ZNF148: variants seen among roughly 807,000 people sequenced by gnomAD.
ZNF148 encodes the protein Beta-Enolase Repressor Factor-1.
A neutral mutation model predicts 67.7 loss-of-function variants in ZNF148; 7 were observed. The ratio of observed to expected loss-of-function variants is 0.10; its 90% CI spans 0.06 to 0.19. The LOEUF (loss-of-function observed/expected upper bound fraction) is 0.19, where lower values mean the gene tolerates loss of function less well. Among genes scored for constraint, ZNF148 ranks in the 10% least tolerant of loss-of-function variants. The probability of loss-of-function intolerance (pLI) is 1.00; values close to 1 mark genes in which losing one functional copy is unlikely to be tolerated. For missense variants in ZNF148, 583 were observed against 947.1 expected (o/e 0.62, Z 5.05); for synonymous variants, 333 against 330.7 (o/e 1.01, Z -0.08).
rs1312316077 is a variant in ZNF148 at position 125,228,919 on chromosome 3, C to G, written c.*3422G>C. On this transcript the variant is annotated 3_prime_UTR_variant, in exon 9 of 9. Coordinates refer to ENST00000360647, the MANE Select transcript of ZNF148 (RefSeq NM_021964.3). ...GGATTAAAGAAAGCAACAAACATAA[C>G]AAGAAATGTTTGTCTGCTTTAGTTT... is the stretch of plus-strand genomic sequence containing the variant. 1 of 152,462 alleles carries G rather than the reference C, an allele frequency of 6.6e-6. No homozygotes were observed. The highest frequency in any genetic ancestry group is 1.9e-4 in the East Asian group (1 of 5,194). The allele number at this position is 152,462 out of a possible 1,614,324, so 9.4% of individuals were successfully genotyped here. A position where few individuals can be genotyped will look rare whatever the true frequency, so the allele number is the denominator to read the frequency against.
chr3:125,339,079 T>A (rs114970364), intron 1 of ZNF148, among the ~76,000 whole-genome samples: 1 of 152,266 alleles, frequency 6.6e-6, no homozygotes, highest in Non-Finnish European at 1.5e-5. Context: ...TCTCACTACA[T>A]TTCCCCAGGC....
At chr3:125,370,736 A>C (rs745501527) in intron 1 of ZNF148, among the ~76,000 whole-genome samples, 6 of 152,166 alleles carry the variant, frequency 3.9e-5, no homozygotes, top group Non-Finnish European at 8.8e-5. Context: ...TTATGACTCT[A>C]ACCTAACAGA....
At position 125,237,714 on chromosome 3, in the gene ZNF148, T is replaced by C. The variant is rs370734717; in HGVS notation, c.668-3385A>G. ...GTTGATTACAATTCAATTAATTCTA[T>C]ATATTTGTGGATTGGAAGACTTAAC... is the stretch of plus-strand genomic sequence containing the variant. On this transcript the variant is annotated intron_variant, in intron 7 of 8. Coordinates refer to ENST00000360647, the MANE Select transcript of ZNF148 (RefSeq NM_021964.3). Among the ~76,000 whole-genome samples the C allele has an allele frequency of 8.5e-5, 13 of 152,336 alleles. No individual in the cohort carries two copies. The South Asian group carries it at 1.7e-3, about 19-fold the overall frequency.
At chr3:125,318,223 C>T (rs376763812) in intron 3 of ZNF148, among the ~76,000 whole-genome samples, 5 of 152,220 alleles carry the variant, frequency 3.3e-5, no homozygotes, top group East Asian at 3.9e-4. Flanking sequence ...AGGTCCCATG[C>T]TCAAAAGCTA....
intron 3 of ZNF148, 58 bp downstream of exon 3, chr3:125,323,251 C>G: frequency 2.0e-6 from 1 of 493,236 alleles, no homozygotes; most frequent in Non-Finnish European, 3.6e-6. Context: ...AACACAATGA[C>G]TTCATATTTG....
At chr3:125,305,007 A>G (rs1381546273) in intron 4 of ZNF148, among the ~76,000 whole-genome samples, 2 of 152,258 alleles carry the variant, frequency 1.3e-5, no homozygotes, top group South Asian at 4.1e-4. Flanking sequence ...TCTGTTAGCC[A>G]AATCTTAAAC....
intron 5 of ZNF148, among the ~76,000 whole-genome samples, chr3:125,279,700 A>G (rs1156631609): frequency 6.6e-6 from 1 of 152,136 alleles, no homozygotes; most frequent in Admixed American, 6.5e-5. Context: ...ATAAAATGAC[A>G]AAGCTCTCTA....
In ZNF148 at chr3:125,375,093, G is replaced by A. The variant is rs1244469618; in HGVS notation, c.-234+9C>T. 3 of 150,518 alleles carry A rather than the reference G, an allele frequency of 2.0e-5. No homozygotes were observed. The highest frequency in any genetic ancestry group is 2.0e-4 in the Admixed American group (3 of 15,142). The allele number at this position is 150,518 out of a possible 1,614,324, so 9.3% of individuals were successfully genotyped here. ...CCCGGGCCCGGGCCTGCCAGGCCGA[G>A]CGCTTTACCGCGGGCGGGCGCCGAG... On this transcript the variant is annotated intron_variant, in intron 1 of 8. Coordinates refer to ENST00000360647, the MANE Select transcript of ZNF148 (RefSeq NM_021964.3).
Position 125,283,155 on chromosome 3 carries a change from G to C in ZNF148, c.460-3908C>G, listed in dbSNP as rs886547220. On this transcript the variant is annotated intron_variant, in intron 5 of 8. Transcript: ENST00000360647. The stretch of plus-strand genomic sequence containing the variant: ...CAATGAGAAATGGAAAATAGTGCAA[G>C]TCCAAAGATATACAAATAACAAAGT... Among the ~76,000 whole-genome samples the C allele has an allele frequency of 4.6e-5, 7 of 152,064 alleles. 1 individual carries two copies. Among genetic ancestry groups the C allele is most frequent in the Admixed American group, 3.9e-4 (6 of 15,252 alleles).
In ZNF148 at chr3:125,234,341, T is replaced by C; in HGVS notation, c.668-12A>G. The C allele has an allele frequency of 6.5e-7, 1 of 1,542,724 alleles. No homozygotes were observed. The highest frequency in any genetic ancestry group is 8.9e-7 in the Non-Finnish European group (1 of 1,124,240). ...AAATGGTTTTTCACCTAGCACATAA[T>C]ATAGAAAGTTTAAAACAAAACAAAT... On this transcript the variant is annotated splice_polypyrimidine_tract_variant and intron_variant, in intron 7 of 8. Coordinates refer to ENST00000360647, the MANE Select transcript of ZNF148 (RefSeq NM_021964.3).
chr3:125,246,749 G>A lies in ZNF148; in HGVS notation c.668-12420C>T, dbSNP rs370660869. On this transcript the variant is annotated intron_variant, in intron 7 of 8. Coordinates refer to ENST00000360647, the MANE Select transcript of ZNF148 (RefSeq NM_021964.3). The stretch of plus-strand genomic sequence containing the variant: ...ATTATAATTATAACCCAGTGTCTGG[G>A]CTATATATCCTAAATGAAAATATCC... 8.5e-5 allele frequency among the ~76,000 whole-genome samples: 13 copies of A among 152,158 alleles called. No individual in the cohort carries two copies. In the East Asian group the frequency reaches 2.1e-3, roughly 25 times the overall value.
chr3:125,330,736 G>A (rs1941256029), intron 2 of ZNF148, among the ~76,000 whole-genome samples: 1 of 152,050 alleles, frequency 6.6e-6, no homozygotes, highest in South Asian at 2.1e-4. Flanking sequence ...ACATGAGTAT[G>A]TGCCACTGAC....
At chr3:125,252,748 CAG>C (rs1448492153) in intron 7 of ZNF148, among the ~76,000 whole-genome samples, 6 of 140,260 alleles carry the variant, frequency 4.3e-5, no homozygotes, top group African/African-American at 1.6e-4. Flanking sequence ...AGCCTGGCGA[CAG>C]AGCAAGACTC....
intron 1 of ZNF148, among the ~76,000 whole-genome samples, chr3:125,332,691 C>T (rs1941338858): frequency 1.3e-5 from 2 of 152,158 alleles, no homozygotes; most frequent in African/African-American, 4.8e-5. Context: ...TTCTGCTTGT[C>T]ACTTGCTTTT....
chr3:125,362,437 C>T (rs1280379870), intron 1 of ZNF148, among the ~76,000 whole-genome samples: 2 of 152,112 alleles, frequency 1.3e-5, no homozygotes, highest in African/African-American at 2.4e-5. Context: ...CAGTAAACCA[C>T]CATGCACCCT....
intron 3 of ZNF148, among the ~76,000 whole-genome samples, chr3:125,316,823 T>C (rs1940517945): frequency 6.6e-6 from 1 of 152,210 alleles, no homozygotes; most frequent in Non-Finnish European, 1.5e-5. Context: ...ATTGACTGTA[T>C]CCTTTCCTGT....
chr3:125,363,096 C>T (rs1007584115), intron 1 of ZNF148, among the ~76,000 whole-genome samples: 4 of 152,102 alleles, frequency 2.6e-5, no homozygotes, highest in Non-Finnish European at 5.9e-5. Context: ...GCTGTCTTCC[C>T]CCAGCTACCC....
At chr3:125,351,380 CAAAAAAAAAAAAAAAA>C (rs1158167448) in intron 1 of ZNF148, among the ~76,000 whole-genome samples, 1 of 51,352 alleles carries the variant, frequency 1.9e-5, no homozygotes, top group Non-Finnish European at 3.3e-5. Context: ...CCTTGTTTCT[CAAAAAAAAAAAAAAAA>C]AAAAAAAAAG....
At chr3:125,342,439 C>A (rs1941769083) in intron 1 of ZNF148, among the ~76,000 whole-genome samples, 1 of 151,672 alleles carries the variant, frequency 6.6e-6, no homozygotes, top group Non-Finnish European at 1.5e-5. Flanking sequence ...CCAGATTTCT[C>A]ATCTCAAACC....
Sources: allele counts gnomAD v4.1 joint callset (sites outside exome capture counted in the v4.1 genomes callset), GRCh38; gene constraint gnomAD v4.1.1; transcripts MANE v1.5; gene names NCBI Gene and HGNC (gene_info 2026-07-23, HGNC 2026-07-21).